FAT3: variants seen among roughly 807,000 people sequenced by gnomAD.
The protein encoded by FAT3 is protocadherin Fat 3.
FAT3 carries 95 observed loss-of-function variants against 310.2 expected under a neutral mutation model. That is an observed-to-expected ratio of 0.31 (90% CI 0.26 to 0.36). FAT3 has a LOEUF of 0.36. Ranked by LOEUF, FAT3 falls within the 10% of genes least tolerant of loss-of-function variation. FAT3 has a pLI of 1.00. For synonymous variants in FAT3, 2,314 were observed against 2,192.9 expected (o/e 1.06, Z -1.54); for missense variants, 5,408 against 5,715.6 (o/e 0.95, Z 1.74).
At chr11:92,568,410 A>G (rs762442211) in intron 3 of FAT3, among the ~76,000 whole-genome samples, 1 of 152,118 alleles carries the variant, frequency 6.6e-6, no homozygotes. Flanking sequence ...TAGTGAGTAC[A>G]TTTTTATATT....
chr11:92,266,910 A>G (rs1364568518), intron 1 of FAT3, among the ~76,000 whole-genome samples: 9 of 152,116 alleles, frequency 5.9e-5, no homozygotes, highest in Admixed American at 5.9e-4. Flanking sequence ...CATATCACCC[A>G]TGGAGTTACA....
At chr11:92,342,320 T>C (rs1224968095) in intron 1 of FAT3, among the ~76,000 whole-genome samples, 1 of 152,122 alleles carries the variant, frequency 6.6e-6, no homozygotes, top group African/African-American at 2.4e-5. Flanking sequence ...CCACTGGCTT[T>C]CCCCTTGCCC....
chr11:92,831,300 T>C (rs1948241087), intron 13 of FAT3, among the ~76,000 whole-genome samples: 1 of 152,190 alleles, frequency 6.6e-6, no homozygotes, highest in Admixed American at 6.5e-5. Flanking sequence ...CTATTTCTCT[T>C]TCTGTGCCAC....
rs1281761697 is a variant in FAT3, at chr11:92,882,586, C to A, written c.12282-152C>A. Among the ~76,000 whole-genome samples, 8 of 32,912 alleles carry A rather than the reference C, an allele frequency of 2.4e-4. 1 individual carries two copies. Among genetic ancestry groups the A allele is most frequent in the African/African-American group, 1.6e-3 (8 of 5,136 alleles). 21.6% of individuals were successfully genotyped at this position (32,912 alleles called of 152,430 possible). ...AGAAATGCCTAAATTAACTCCCCCTCCCCCCCCCCACCAACCATCTTTGTC... is the reference window on the plus strand; with the variant it reads ...AGAAATGCCTAAATTAACTCCCCCTACCCCCCCCCACCAACCATCTTTGTC... On this transcript the variant is annotated intron_variant, in intron 23 of 27. Coordinates refer to ENST00000525166, the MANE Select transcript of FAT3 (RefSeq NM_001367949.2).
At chr11:92,854,327 G>A (rs938306432) in intron 19 of FAT3, among the ~76,000 whole-genome samples, 1 of 152,130 alleles carries the variant, frequency 6.6e-6, no homozygotes, top group African/African-American at 2.4e-5. Flanking sequence ...ATCCAAGAGT[G>A]CAGGGATGCC....
chr11:92,289,087 G>T (rs553928564), intron 1 of FAT3, among the ~76,000 whole-genome samples: 1 of 152,226 alleles, frequency 6.6e-6, no homozygotes, highest in Admixed American at 6.5e-5. Flanking sequence ...GCACAGACTT[G>T]CAGGGCTGTG....
chr11:92,777,139 A>T (rs563005568), intron 7 of FAT3, among the ~76,000 whole-genome samples: 1 of 152,216 alleles, frequency 6.6e-6, no homozygotes, highest in South Asian at 2.1e-4. Context: ...CCTTCACCAT[A>T]TAACTAAATA....
chr11:92,843,099 A>T (rs1169038682), intron 18 of FAT3, among the ~76,000 whole-genome samples: 1 of 152,204 alleles, frequency 6.6e-6, no homozygotes, highest in Non-Finnish European at 1.5e-5. Flanking sequence ...TCAAAGCCAG[A>T]TATGTAGTGG....
chr11:92,771,069 C>T (rs1238598675), intron 6 of FAT3, among the ~76,000 whole-genome samples: 1 of 152,134 alleles, frequency 6.6e-6, no homozygotes, highest in Non-Finnish European at 1.5e-5. Context: ...ATCTCTGCCG[C>T]ACACCCCTGC....
chr11:92,651,525 C>T (rs1463294497), intron 3 of FAT3, among the ~76,000 whole-genome samples: 1 of 152,168 alleles, frequency 6.6e-6, no homozygotes, highest in Non-Finnish European at 1.5e-5. Context: ...TTAGAGTCTC[C>T]ATGGGGACAT....
At chr11:92,314,973 A>G (rs1829617741) in intron 1 of FAT3, among the ~76,000 whole-genome samples, 1 of 152,012 alleles carries the variant, frequency 6.6e-6, no homozygotes. Context: ...GTGGCATGGT[A>G]CCTGGGTATG....
intron 2 of FAT3, among the ~76,000 whole-genome samples, chr11:92,451,888 C>T (rs989235773): frequency 3.3e-5 from 5 of 152,092 alleles, no homozygotes; most frequent in Non-Finnish European, 5.9e-5. Context: ...TGATGGTGCC[C>T]CACATCAACT....
At position 92,255,656 on chromosome 11, in the gene FAT3, T is replaced by C. The variant is rs965561166; in HGVS notation, c.-18+30482T>C. ...GTGCCAGTCTTCAGCTGCTGTGATG[T>C]TGGAATTTTCCTAACTTTTCTGTGC... is the stretch of plus-strand genomic sequence containing the variant. On this transcript the variant is annotated intron_variant, in intron 1 of 27. Transcript: ENST00000525166. Among the ~76,000 whole-genome samples the C allele has an allele frequency of 1.2e-4, 18 of 152,260 alleles. 1 individual carries two copies. Among genetic ancestry groups the C allele is most frequent in the African/African-American group, 4.1e-4 (17 of 41,550 alleles).
rs556431811 is a variant in FAT3, at chr11:92,742,583, G to A, written c.3670-19273G>A. ...GATTAGGTTAGAGGGCTGTGCCTTC[G>A]TGGATGGATTGAAGCTCTTATCTCA... is the stretch of plus-strand genomic sequence containing the variant. On this transcript the variant is annotated intron_variant, in intron 4 of 27. Coordinates refer to ENST00000525166, the MANE Select transcript of FAT3 (RefSeq NM_001367949.2). Among the ~76,000 whole-genome samples, 25 of 152,306 alleles carry A rather than the reference G, an allele frequency of 1.6e-4. No individual in the cohort carries two copies. In the East Asian group the frequency reaches 2.5e-3, roughly 15 times the overall value.
chr11:92,451,623 C>T (rs1265618833), intron 2 of FAT3, among the ~76,000 whole-genome samples: 3 of 152,126 alleles, frequency 2.0e-5, no homozygotes, highest in Non-Finnish European at 4.4e-5. Context: ...TGTTCCTTTT[C>T]ATGTGACTGT....
chr11:92,578,558 G>T (rs1025916111), intron 3 of FAT3, among the ~76,000 whole-genome samples: 1 of 152,124 alleles, frequency 6.6e-6, no homozygotes, highest in Non-Finnish European at 1.5e-5. Context: ...CCACAACACA[G>T]ATCTGCCAAA....
chr11:92,421,049 T>A (rs1950523921), intron 2 of FAT3, among the ~76,000 whole-genome samples: 1 of 152,220 alleles, frequency 6.6e-6, no homozygotes, highest in African/African-American at 2.4e-5. Context: ...CTCCTGCCTG[T>A]TGATATTACA....
intron 3 of FAT3, among the ~76,000 whole-genome samples, chr11:92,652,460 A>G (rs1942414806): frequency 6.6e-6 from 1 of 152,214 alleles, no homozygotes; most frequent in South Asian, 2.1e-4. Flanking sequence ...AAATTTACGG[A>G]AAAATCTGGC....
rs918067662 is a variant in FAT3 at position 92,883,154 on chromosome 11, G to T, written c.12698G>T (p.Arg4233Leu). The T allele has an allele frequency of 6.2e-7, 1 of 1,613,338 alleles. No individual in the cohort carries two copies. Among genetic ancestry groups the T allele is most frequent in the African/African-American group, 1.3e-5 (1 of 74,902 alleles). Residue 4233 changes from arginine (R) to leucine (L), a missense_variant, in exon 24 of 28, where the codon CGC (arginine) becomes CTC (leucine). Physicochemically the swap from Arg to Leu is moderately radical, Grantham distance 102. This residue lies in a region of FAT3 where 649 missense variants were observed against 666.2 expected (regional missense o/e 0.97). Coordinates refer to ENST00000525166, the MANE Select transcript of FAT3 (RefSeq NM_001367949.2). The surrounding 1 kb of genome is among the most constrained non-coding windows in gnomAD (Gnocchi z 4.2). ...QEVGPPQVPV[R>L]PMAYTPCFQS... ...GTGGGGCCCCCGCAGGTCCCCGTGC[G>T]CCCCATGGCCTACACACCCTGCTTC...
Sources: gnomAD v4.1 joint callset for allele counts (sites outside exome capture counted in the v4.1 genomes callset) on GRCh38, gnomAD v4.1.1 for gene constraint, gnomAD v4.1.1 regional missense constraint, Gnocchi (gnomAD v3.1) non-coding constraint, MANE v1.5 for transcripts, NCBI Gene and HGNC (gene_info 2026-07-23, HGNC 2026-07-21) for gene names.